The following PTPN4 variants were observed in gnomAD, a reference collection of about 807,000 sequenced individuals.
PTPN4 encodes the protein tyrosine-protein phosphatase non-receptor type 4.
A neutral mutation model predicts 135.5 loss-of-function variants in PTPN4; 49 were observed. The ratio of observed to expected loss-of-function variants is 0.36; its 90% confidence interval spans 0.29 to 0.46. The LOEUF (loss-of-function observed/expected upper bound fraction) is 0.46, where lower values mean the gene tolerates loss of function less well. Among genes scored for constraint, PTPN4 ranks in the 20% least tolerant of loss-of-function variants. PTPN4 has a pLI of 1.00. For missense variants in PTPN4, 860 were observed against 1,101.0 expected (o/e 0.78, Z 3.10); for synonymous variants, 333 against 369.9 (o/e 0.90, Z 1.14).
chr2:119,976,766 T>C (rs1679623986), intron 26 of PTPN4, among the ~76,000 whole-genome samples: 1 of 152,238 alleles, frequency 6.6e-6, no homozygotes, highest in Admixed American at 6.5e-5. Context: ...TTAACATCCC[T>C]ACCAGCAACA....
intron 9 of PTPN4, among the ~76,000 whole-genome samples, chr2:119,889,323 G>A (rs1430780377): frequency 6.6e-6 from 1 of 152,200 alleles, no homozygotes; most frequent in Non-Finnish European, 1.5e-5. Flanking sequence ...GGGAGGCTGA[G>A]GCAGGAGAAT....
chr2:119,957,110 G>A, intron 22 of PTPN4, 33 bp downstream of exon 22: 1 of 1,553,156 alleles, frequency 6.4e-7, no homozygotes, highest in East Asian at 2.3e-5. Flanking sequence ...TTTGCCATTT[G>A]GAAAAATACG....
intron 1 of PTPN4, among the ~76,000 whole-genome samples, chr2:119,788,786 T>G (rs1691088908): frequency 6.6e-6 from 1 of 152,250 alleles, no homozygotes; most frequent in Non-Finnish European, 1.5e-5. Context: ...CAATAACACT[T>G]CATTGTGTGG....
chr2:119,877,373 T>C lies in PTPN4; in HGVS notation c.289+8T>C. The C allele has an allele frequency of 1.2e-6, 2 of 1,611,876 alleles. No individual in the cohort carries two copies. The highest frequency in any genetic ancestry group is 1.1e-5 in the South Asian group (1 of 90,358). The stretch of plus-strand genomic sequence containing the variant: ...TAAGGAAGCAGCTAAAGAGTGAGCA[T>C]ACATATTTACTTAATGTTTTGCAAG... On this transcript the variant is annotated splice_region_variant and intron_variant, in intron 4 of 26. Transcript: ENST00000263708.
At chr2:119,886,332 T>G (rs1678154321) in intron 9 of PTPN4, among the ~76,000 whole-genome samples, 1 of 152,164 alleles carries the variant, frequency 6.6e-6, no homozygotes, top group African/African-American at 2.4e-5. Context: ...ATATTAACAT[T>G]TTTATCTCCC....
At chr2:119,910,443 G>T (rs1323045565) in intron 10 of PTPN4, among the ~76,000 whole-genome samples, 1 of 151,964 alleles carries the variant, frequency 6.6e-6, no homozygotes, top group Non-Finnish European at 1.5e-5. Flanking sequence ...GAATGAAAGG[G>T]GATAGCATTA....
Position 119,952,078 on chromosome 2 carries a change from G to A in PTPN4, c.1762G>A (p.Ala588Thr). ...THDQVVLFIK[A>T]SCERHSGELM... ...TGATCAGGTTGTGCTGTTTATTAAA[G>A]CTAGTTGTGAGAGACATTCTGGGGA... is the stretch of plus-strand genomic sequence containing the variant. Residue 588 changes from alanine (A) to threonine (T), a missense_variant, in exon 19 of 27, where the codon GCT becomes ACT. Ala to Thr is a moderately conservative substitution (Grantham distance 58, BLOSUM62 0). Coordinates refer to ENST00000263708, the MANE Select transcript of PTPN4 (RefSeq NM_002830.4). The A allele has an allele frequency of 6.2e-7, 1 of 1,613,414 alleles. No individual in the cohort carries two copies. Among genetic ancestry groups the A allele is most frequent in the Non-Finnish European group, 8.5e-7 (1 of 1,179,438 alleles).
At chr2:119,860,845 A>G (rs1289329525) in intron 2 of PTPN4, among the ~76,000 whole-genome samples, 1 of 152,104 alleles carries the variant, frequency 6.6e-6, no homozygotes, top group African/African-American at 2.4e-5. Context: ...GTTCGAGACT[A>G]GCCTGACCAA....
chr2:119,878,370 A>T (rs1678016596), intron 5 of PTPN4, among the ~76,000 whole-genome samples: 1 of 152,150 alleles, frequency 6.6e-6, no homozygotes, highest in Non-Finnish European at 1.5e-5. Context: ...AGCATGTTAT[A>T]CTCTCTGTAA....
At chr2:119,922,629 C>T (rs1199763973) in intron 12 of PTPN4, among the ~76,000 whole-genome samples, 1 of 152,094 alleles carries the variant, frequency 6.6e-6, no homozygotes, top group African/African-American at 2.4e-5. Flanking sequence ...GGATATATCT[C>T]TGTAGTTTTC....
chr2:119,980,610 A>C lies in PTPN4; in HGVS notation c.*3540A>C. The C allele has an allele frequency of 6.6e-6, 1 of 151,948 alleles. No individual in the cohort carries two copies. The allele number at this position is 151,948 out of a possible 1,614,324, so 9.4% of individuals were successfully genotyped here. A position where few individuals can be genotyped will look rare whatever the true frequency, so the allele number is the denominator to read the frequency against. Reference sequence around the variant, plus strand: ...AATTATAACCTATGTGAATATCATAAATTCTTGTGAATTTTTGTCTATTTC... The same window carrying C: ...AATTATAACCTATGTGAATATCATACATTCTTGTGAATTTTTGTCTATTTC... On this transcript the variant is annotated 3_prime_UTR_variant, in exon 27 of 27. Transcript: ENST00000263708.
intron 9 of PTPN4, 108 bp downstream of exon 9, chr2:119,885,990 A>T: frequency 8.6e-6 from 6 of 700,008 alleles, no homozygotes; most frequent in Non-Finnish European, 1.4e-5. Context: ...TGCTGCTGAC[A>T]CAGCTGCACT....
At chr2:119,843,629 C>G (rs1447849643) in intron 2 of PTPN4, among the ~76,000 whole-genome samples, 1 of 90,736 alleles carries the variant, frequency 1.1e-5, no homozygotes, top group Non-Finnish European at 2.2e-5. Flanking sequence ...GCTGACCCCC[C>G]CCACCTTCCC....
chr2:119,781,107 C>G (rs1436699862), intron 1 of PTPN4, among the ~76,000 whole-genome samples: 3 of 152,096 alleles, frequency 2.0e-5, no homozygotes, highest in African/African-American at 4.8e-5. Flanking sequence ...AACTGCCTCT[C>G]TTTTTCTTTG....
intron 10 of PTPN4, among the ~76,000 whole-genome samples, chr2:119,910,654 T>G (rs1678557835): frequency 6.6e-6 from 1 of 152,192 alleles, no homozygotes; most frequent in Non-Finnish European, 1.5e-5. Flanking sequence ...CCCCATTGTG[T>G]TCTCATGATA....
intron 3 of PTPN4, among the ~76,000 whole-genome samples, chr2:119,870,869 C>A (rs1457240208): frequency 6.6e-6 from 1 of 151,836 alleles, no homozygotes; most frequent in Non-Finnish European, 1.5e-5. Context: ...TTATGATCAT[C>A]CTAGGCAACA....
At chr2:119,851,313 G>T (rs1677587546) in intron 2 of PTPN4, among the ~76,000 whole-genome samples, 1 of 152,052 alleles carries the variant, frequency 6.6e-6, no homozygotes, top group Non-Finnish European at 1.5e-5. Flanking sequence ...AGGGTCATAT[G>T]GTAGAAAAAG....
chr2:119,764,207 C>T (rs973602407), intron 1 of PTPN4, among the ~76,000 whole-genome samples: 2 of 152,182 alleles, frequency 1.3e-5, no homozygotes, highest in Non-Finnish European at 2.9e-5. Flanking sequence ...ACCTCCCCAA[C>T]TGTTCGGCAA....
At chr2:119,878,559 A>C (rs931911396) in intron 5 of PTPN4, among the ~76,000 whole-genome samples, 3 of 152,176 alleles carry the variant, frequency 2.0e-5, no homozygotes, top group Non-Finnish European at 2.9e-5. Flanking sequence ...TAAATTATTT[A>C]ATTAGCTGCA....
Sources: gnomAD v4.1 joint callset for allele counts (sites outside exome capture counted in the v4.1 genomes callset) on GRCh38, gnomAD v4.1.1 for gene constraint, MANE v1.5 for transcripts, NCBI Gene and HGNC (gene_info 2026-07-23, HGNC 2026-07-21) for gene names.